Variants in CUL2 observed in about 807,000 individuals in gnomAD.
The protein encoded by CUL2 is cullin-2.
Under a neutral mutation model 110.2 loss-of-function variants are expected in CUL2, and 22 were observed. The observed-to-expected ratio is 0.20, with a 90% CI of 0.14 to 0.28. The LOEUF (loss-of-function observed/expected upper bound fraction) is 0.28, where lower values mean the gene tolerates loss of function less well. CUL2 is among the 10% of genes least tolerant of loss of function. The pLI is 1.00. For missense variants in CUL2, 631 were observed against 905.5 expected, an observed-to-expected ratio of 0.70 and a Z score of 3.89; for synonymous variants, 279 against 293.2, an observed-to-expected ratio of 0.95 and a Z score of 0.49.
chr10:35,026,320 T>C (rs2085334446), intron 16 of CUL2, among the ~76,000 whole-genome samples: 1 of 152,234 alleles, frequency 6.6e-6, no homozygotes, highest in Admixed American at 6.5e-5. Flanking sequence ...TTCAGAAGTA[T>C]GATCTGACTA....
intron 1 of CUL2, among the ~76,000 whole-genome samples, chr10:35,103,138 CA>C (rs938970919): frequency 7.3e-5 from 11 of 151,588 alleles, no homozygotes; most frequent in Admixed American, 2.6e-4. Context: ...CTACTTGACT[CA>C]AAAAAATTTT....
intron 1 of CUL2, among the ~76,000 whole-genome samples, chr10:35,125,993 C>T (rs1470061750): frequency 6.6e-6 from 1 of 152,168 alleles, no homozygotes; most frequent in Non-Finnish European, 1.5e-5. Flanking sequence ...CCACTCCTAG[C>T]TAATTTTTGT....
chr10:35,076,845 T>C (rs1197745199), intron 1 of CUL2, among the ~76,000 whole-genome samples: 1 of 151,786 alleles, frequency 6.6e-6, no homozygotes, highest in African/African-American at 2.4e-5. Context: ...AGGTCAGGAG[T>C]TCGAGATCAG....
intron 2 of CUL2, among the ~76,000 whole-genome samples, chr10:35,068,322 TGAGGTATGAGAATCACTTGAACCTGG>T (rs1200833188): frequency 6.6e-6 from 1 of 152,092 alleles, no homozygotes; most frequent in African/African-American, 2.4e-5. Flanking sequence ...CTCGGGAGGC[TGAGGTATGAGAATCACTTGAACCTGG>T]GAGGTGGAGG....
At chr10:35,043,563 C>A (rs961679467) in intron 8 of CUL2, among the ~76,000 whole-genome samples, 1 of 152,156 alleles carries the variant, frequency 6.6e-6, no homozygotes, top group African/African-American at 2.4e-5. Context: ...TTAAACTACT[C>A]GACCTTTCTT....
At chr10:35,022,078 TA>T (rs10714791) in intron 17 of CUL2, among the ~76,000 whole-genome samples, 44,306 of 151,808 alleles carry the variant, frequency 0.29, 6,947 homozygotes, top group South Asian at 0.35. Flanking sequence ...ACTATGTACG[TA>T]TGTCTGTCTT....
chr10:35,068,038 A>T lies in CUL2; in HGVS notation c.119+3161T>A, dbSNP rs923491373. ...GGCAGGAGAATGGCATGAACCCGGG[A>T]GGCGGAGCTTGCAGTGAGCCGAGAT... is the stretch of plus-strand genomic sequence containing the variant. On this transcript the variant is annotated intron_variant, in intron 2 of 20. Coordinates refer to ENST00000374749, the MANE Select transcript of CUL2 (RefSeq NM_003591.4). 6.1e-5 allele frequency among the ~76,000 whole-genome samples: 9 copies of T among 147,588 alleles called. No individual in the cohort carries two copies. The South Asian group carries it at 2.0e-3, about 33-fold the overall frequency.
intron 1 of CUL2, among the ~76,000 whole-genome samples, chr10:35,073,897 C>T (rs920951042): frequency 2.0e-5 from 3 of 152,152 alleles, no homozygotes; most frequent in Admixed American, 6.6e-5. Context: ...TGGGCCACTG[C>T]GCCTGACCTG....
intron 18 of CUL2, 36 bp from the exon 19 acceptor site, chr10:35,013,836 A>G: frequency 7.6e-7 from 1 of 1,317,150 alleles, no homozygotes; most frequent in Non-Finnish European, 1.0e-6. Flanking sequence ...ATTTATAAAA[A>G]CCAAAATCTT....
intron 8 of CUL2, among the ~76,000 whole-genome samples, chr10:35,042,035 A>C (rs1047921791): frequency 6.6e-6 from 1 of 152,224 alleles, no homozygotes; most frequent in Admixed American, 6.5e-5. Flanking sequence ...AATTTACATT[A>C]GCCATTTTTA....
intron 1 of CUL2, among the ~76,000 whole-genome samples, chr10:35,072,209 T>G (rs1293714605): frequency 6.6e-6 from 1 of 152,060 alleles, no homozygotes; most frequent in Admixed American, 6.6e-5. Context: ...AATATAAAAT[T>G]CACATGACCT....
At chr10:35,120,216 T>G (rs1015702336) in intron 1 of CUL2, among the ~76,000 whole-genome samples, 2 of 152,124 alleles carry the variant, frequency 1.3e-5, no homozygotes, top group Non-Finnish European at 2.9e-5. Flanking sequence ...AAATACCAAA[T>G]TAATTGTCAT....
chr10:35,091,462 C>T (rs1473788702), upstream of CUL2, among the ~76,000 whole-genome samples: 1 of 152,186 alleles, frequency 6.6e-6, no homozygotes, highest in Admixed American at 6.5e-5. Context: ...TTCAATCCAA[C>T]AGTATGTTTC....
intron 1 of CUL2, among the ~76,000 whole-genome samples, chr10:35,101,659 G>A (rs887144016): frequency 3.3e-5 from 5 of 152,132 alleles, no homozygotes; most frequent in African/African-American, 1.2e-4. Flanking sequence ...ACAAGCACTC[G>A]TTTCTTCTGA....
At chr10:35,075,251 C>T (rs2086787026) in intron 1 of CUL2, among the ~76,000 whole-genome samples, 1 of 152,174 alleles carries the variant, frequency 6.6e-6, no homozygotes, top group Non-Finnish European at 1.5e-5. Context: ...CTGAGACAGT[C>T]TGTCAAGATT....
intron 1 of CUL2, among the ~76,000 whole-genome samples, chr10:35,114,264 A>G (rs553285797): frequency 6.6e-6 from 1 of 151,208 alleles, no homozygotes; most frequent in Non-Finnish European, 1.5e-5. Flanking sequence ...GTGTTTCCCC[A>G]TGTTGGCCAG....
At chr10:35,042,660 C>T (rs1182085481) in intron 8 of CUL2, among the ~76,000 whole-genome samples, 2 of 152,142 alleles carry the variant, frequency 1.3e-5, no homozygotes, top group Non-Finnish European at 2.9e-5. Flanking sequence ...GATAGAAGCT[C>T]CTGCACTCAT....
chr10:35,075,678 A>G (rs1227460039), intron 1 of CUL2, among the ~76,000 whole-genome samples: 1 of 142,122 alleles, frequency 7.0e-6, no homozygotes, highest in African/African-American at 2.6e-5. Context: ...ACACACACAC[A>G]CACACGCACG....
At chr10:35,043,111 T>C (rs1295862149) in intron 8 of CUL2, among the ~76,000 whole-genome samples, 1 of 152,106 alleles carries the variant, frequency 6.6e-6, no homozygotes, top group African/African-American at 2.4e-5. Context: ...GAGAGAGTTT[T>C]TCACTACACA....
Sources: allele counts gnomAD v4.1 joint callset (sites outside exome capture counted in the v4.1 genomes callset), GRCh38; gene constraint gnomAD v4.1.1; transcripts MANE v1.5; gene names NCBI Gene and HGNC (gene_info 2026-07-23, HGNC 2026-07-21).